The following RALGPS2 variants were observed in gnomAD, a reference collection of about 807,000 sequenced individuals.
RALGPS2 encodes the protein ras-specific guanine nucleotide-releasing factor RalGPS2.
Under a neutral mutation model 86.8 loss-of-function variants are expected in RALGPS2, and 43 were observed. That is an observed-to-expected ratio of 0.50 (90% CI 0.39 to 0.64). The LOEUF is 0.64. RALGPS2 is among the 30% of genes least tolerant of loss of function. The pLI is 0.00. For synonymous variants in RALGPS2, 243 were observed against 231.3 expected (o/e 1.05, Z -0.46); for missense variants, 536 against 694.6 (o/e 0.77, Z 2.57).
At chr1:178,781,271 ATC>A (rs1329115981) in intron 2 of RALGPS2, among the ~76,000 whole-genome samples, 1 of 152,138 alleles carries the variant, frequency 6.6e-6, no homozygotes, top group African/African-American at 2.4e-5. Context: ...AAAATTAAAA[ATC>A]TGTATTTTCC....
Position 178,817,362 on chromosome 1 carries a change from A to G in RALGPS2, c.388-4250A>G, listed in dbSNP as rs914196552. On this transcript the variant is annotated intron_variant, in intron 6 of 19. Transcript: ENST00000367635. The stretch of plus-strand genomic sequence containing the variant: ...TCTCAATTTAAAAAAAAAAAAAAAA[A>G]AAAAAAAAAGAATATCTAATTGTGC... Among the ~76,000 whole-genome samples the G allele has an allele frequency of 1.1e-4, 16 of 151,366 alleles. No homozygotes were observed. In the East Asian group the frequency reaches 3.1e-3, roughly 29 times the overall value.
At chr1:178,852,722 G>A (rs1558150005) in intron 8 of RALGPS2, 2 of 1,613,656 alleles carry the variant, frequency 1.2e-6, no homozygotes, top group African/African-American at 1.3e-5. Context: ...GTGGTGAATT[G>A]TTTACCATTA....
intron 9 of RALGPS2, 27 bp from the exon 10 acceptor site, chr1:178,878,875 G>C: frequency 6.2e-7 from 1 of 1,607,520 alleles, no homozygotes; most frequent in Non-Finnish European, 8.5e-7. Context: ...TACTTTATCA[G>C]ATAATTATTT....
rs192736935 is a variant in RALGPS2, at chr1:178,811,950, G to T, written c.387+546G>T. Among the ~76,000 whole-genome samples the T allele has an allele frequency of 1.3e-3, 195 of 152,252 alleles. 2 individuals carry two copies. Among genetic ancestry groups the T allele is most frequent in the African/African-American group, 4.3e-3 (179 of 41,548 alleles). Reference sequence around the variant, plus strand: ...GGGTGAGACAGGATGTTCTACAAAGGATACCAAGATTTTATTAAAACTTGT... The same window carrying T: ...GGGTGAGACAGGATGTTCTACAAAGTATACCAAGATTTTATTAAAACTTGT... On this transcript the variant is annotated intron_variant, in intron 6 of 19. Coordinates refer to ENST00000367635, the MANE Select transcript of RALGPS2 (RefSeq NM_152663.5).
intron 7 of RALGPS2, among the ~76,000 whole-genome samples, chr1:178,825,538 G>C (rs1018293903): frequency 1.3e-5 from 2 of 152,024 alleles, no homozygotes; most frequent in African/African-American, 4.8e-5. Flanking sequence ...CAATCACCAA[G>C]ATTTATGATA....
At chr1:178,912,947 T>G (rs1660678159) in intron 19 of RALGPS2, among the ~76,000 whole-genome samples, 1 of 152,188 alleles carries the variant, frequency 6.6e-6, no homozygotes, top group South Asian at 2.1e-4. Context: ...GATTCTTTCC[T>G]TGGTTTGGTC....
At chr1:178,883,388 G>T in intron 10 of RALGPS2, 78 bp from the exon 11 acceptor site, 1 of 1,160,554 alleles carries the variant, frequency 8.6e-7, no homozygotes, top group East Asian at 2.4e-5. Context: ...GTTTTTTTGT[G>T]AGAAAATACA....
chr1:178,759,849 G>A (rs1033954740), intron 1 of RALGPS2, among the ~76,000 whole-genome samples: 5 of 151,606 alleles, frequency 3.3e-5, no homozygotes, highest in African/African-American at 9.7e-5. Flanking sequence ...TGTGGTTCTT[G>A]TAAATGGGAT....
At chr1:178,807,462 T>G (rs1558128337) in intron 4 of RALGPS2, among the ~76,000 whole-genome samples, 1 of 152,252 alleles carries the variant, frequency 6.6e-6, no homozygotes, top group Non-Finnish European at 1.5e-5. Context: ...ACATCACATG[T>G]GTTGCCAATG....
chr1:178,907,623 C>T (rs1660442354), intron 19 of RALGPS2, among the ~76,000 whole-genome samples: 1 of 152,190 alleles, frequency 6.6e-6, no homozygotes, highest in Non-Finnish European at 1.5e-5. Flanking sequence ...CACATAGCCA[C>T]ATTTATAGAA....
At chr1:178,793,401 C>CT (rs76555147) in intron 4 of RALGPS2, among the ~76,000 whole-genome samples, 7,744 of 109,972 alleles carry the variant, frequency 0.07, 281 homozygotes, top group African/African-American at 0.12. Context: ...CCACAGGGGT[C>CT]TTTTTTTTTT....
chr1:178,837,868 A>C (rs1656358257), intron 8 of RALGPS2, among the ~76,000 whole-genome samples: 1 of 152,236 alleles, frequency 6.6e-6, no homozygotes, highest in Non-Finnish European at 1.5e-5. Context: ...CAAATGGCAC[A>C]CCAGGAGATT....
At chr1:178,727,401 A>T (rs1430373224) in intron 1 of RALGPS2, among the ~76,000 whole-genome samples, 1 of 152,192 alleles carries the variant, frequency 6.6e-6, no homozygotes, top group Non-Finnish European at 1.5e-5. Context: ...GACTTTTAGT[A>T]ATACTTTGGG....
At chr1:178,743,898 C>T (rs1471925970) in intron 1 of RALGPS2, among the ~76,000 whole-genome samples, 1 of 152,092 alleles carries the variant, frequency 6.6e-6, no homozygotes, top group Non-Finnish European at 1.5e-5. Flanking sequence ...ACTTCAGACC[C>T]AGATGACTTC....
chr1:178,754,753 G>A (rs1007341147), intron 1 of RALGPS2, among the ~76,000 whole-genome samples: 4 of 152,198 alleles, frequency 2.6e-5, no homozygotes, highest in African/African-American at 9.6e-5. Context: ...ATTTAAAATA[G>A]AGAACTCCTA....
At chr1:178,735,673 T>A (rs1572267746) in intron 1 of RALGPS2, among the ~76,000 whole-genome samples, 1 of 150,758 alleles carries the variant, frequency 6.6e-6, no homozygotes, top group East Asian at 1.9e-4. Context: ...GTGTCTACAT[T>A]GTAAAATTCA....
At chr1:178,790,843 T>G (rs1653916064) in intron 4 of RALGPS2, among the ~76,000 whole-genome samples, 1 of 152,232 alleles carries the variant, frequency 6.6e-6, no homozygotes, top group Admixed American at 6.5e-5. Context: ...GCAGCCAGTT[T>G]AGTGTATTAA....
rs1007067702 is a variant in RALGPS2, at chr1:178,921,370, A to G, written c.*5011A>G. The G allele has an allele frequency of 2.0e-5, 3 of 152,062 alleles. No individual in the cohort carries two copies. Among genetic ancestry groups the G allele is most frequent in the African/African-American group, 7.2e-5 (3 of 41,444 alleles). The allele number at this position is 152,062 out of a possible 1,614,324, so 9.4% of individuals were successfully genotyped here. On this transcript the variant is annotated 3_prime_UTR_variant, in exon 20 of 20. Transcript: ENST00000367635. ...TTCCCCTGAAGATATGACCTACTAG[A>G]ACTACTCACATATATAGTCCAATAA...
intron 1 of RALGPS2, among the ~76,000 whole-genome samples, chr1:178,762,839 C>T (rs1019449777): frequency 2.6e-5 from 4 of 152,056 alleles, no homozygotes; most frequent in African/African-American, 4.8e-5. Context: ...TGCAGAAGCT[C>T]CTTAGTTTAA....
Sources: allele counts gnomAD v4.1 joint callset (sites outside exome capture counted in the v4.1 genomes callset), GRCh38; gene constraint gnomAD v4.1.1; transcripts MANE v1.5; gene names NCBI Gene and HGNC (gene_info 2026-07-23, HGNC 2026-07-21).